Variants in HTR2C observed in about 807,000 individuals in gnomAD.
HTR2C encodes the protein 5-hydroxytryptamine (serotonin) receptor 2C, G protein-coupled.
HTR2C carries 5 observed loss-of-function variants against 21.0 expected under a neutral mutation model. The observed-to-expected ratio is 0.24, with a 90% CI of 0.12 to 0.50. The LOEUF (loss-of-function observed/expected upper bound fraction) is 0.50. Ranked by LOEUF, HTR2C falls within the 20% of genes least tolerant of loss-of-function variation. HTR2C has a pLI of 0.98. For synonymous variants in HTR2C, 150 were observed against 145.3 expected, an observed-to-expected ratio of 1.03 and a Z score of -0.23; for missense variants, 271 against 371.2, an observed-to-expected ratio of 0.73 and a Z score of 2.22.
At chrX:114,686,839 C>T (rs1316506437) in intron 2 of HTR2C, among the ~76,000 whole-genome samples, 1 of 110,837 alleles carries the variant, frequency 9.0e-6, no homozygotes, top group Non-Finnish European at 1.9e-5. Context: ...AATTTTATAA[C>T]GTTTCAGATA....
chrX:114,837,339 T>C (rs2070795970), intron 4 of HTR2C, among the ~76,000 whole-genome samples: 1 of 112,105 alleles, frequency 8.9e-6, no homozygotes, highest in African/African-American at 3.2e-5. Flanking sequence ...AAGAATATAG[T>C]ATGATATAAT....
chrX:114,735,166 A>T (rs1344549056), intron 4 of HTR2C, among the ~76,000 whole-genome samples: 1 of 109,980 alleles, frequency 9.1e-6, no homozygotes, highest in African/African-American at 3.3e-5. Context: ...AATACAAAAA[A>T]ATTATCTGGG....
chrX:114,836,055 C>T (rs1478453802), intron 4 of HTR2C, among the ~76,000 whole-genome samples: 6 of 108,562 alleles, frequency 5.5e-5, no homozygotes, highest in African/African-American at 1.3e-4. Context: ...AGGAGGCAGT[C>T]TGCCCGTTCT....
intron 5 of HTR2C, among the ~76,000 whole-genome samples, chrX:114,878,895 C>A (rs1209255154): frequency 9.1e-6 from 1 of 110,176 alleles, no homozygotes; most frequent in Non-Finnish European, 1.9e-5. Context: ...AATTGTTTTG[C>A]ATCCCAGCAT....
intron 2 of HTR2C, among the ~76,000 whole-genome samples, chrX:114,702,822 C>G (rs1301410164): frequency 3.2e-4 from 34 of 106,478 alleles, no homozygotes; most frequent in African/African-American, 1.2e-3. Flanking sequence ...ACCCATCTCA[C>G]GTGCAGAGAC....
At chrX:114,754,266 CA>C (rs1446838319) in intron 4 of HTR2C, among the ~76,000 whole-genome samples, 1 of 111,190 alleles carries the variant, frequency 9.0e-6, no homozygotes, top group African/African-American at 3.3e-5. Flanking sequence ...ACCAAAACTC[CA>C]AAAAGGATTT....
intron 4 of HTR2C, among the ~76,000 whole-genome samples, chrX:114,805,086 G>A (rs150128265): frequency 8.0e-5 from 9 of 111,917 alleles, no homozygotes; most frequent in Admixed American, 5.7e-4. Context: ...GAAAGAAGCA[G>A]AACAGAAACT....
intron 2 of HTR2C, among the ~76,000 whole-genome samples, chrX:114,716,851 T>G (rs1211000007): frequency 1.8e-5 from 2 of 111,248 alleles, no homozygotes; most frequent in Non-Finnish European, 3.8e-5. Flanking sequence ...AATATAATCT[T>G]CCCAGGACTA....
At chrX:114,692,609 C>T (rs1932140442) in intron 2 of HTR2C, among the ~76,000 whole-genome samples, 2 of 110,120 alleles carry the variant, frequency 1.8e-5, no homozygotes, top group African/African-American at 6.6e-5. Flanking sequence ...AGATCTATTA[C>T]TGTATGGGGT....
chrX:114,684,273 A>G (rs781947054), intron 2 of HTR2C, among the ~76,000 whole-genome samples: 3 of 111,860 alleles, frequency 2.7e-5, no homozygotes, highest in Non-Finnish European at 5.6e-5. Flanking sequence ...TAAAATGGTT[A>G]GCTGACCGAG....
At chrX:114,819,384 A>T (rs1343622904) in intron 4 of HTR2C, among the ~76,000 whole-genome samples, 2 of 112,226 alleles carry the variant, frequency 1.8e-5, no homozygotes, top group African/African-American at 3.2e-5. Context: ...ATAAAGGGTT[A>T]CAGCATTTGG....
chrX:114,750,264 TCTAA>T (rs1227893604), intron 4 of HTR2C, among the ~76,000 whole-genome samples: 1 of 112,171 alleles, frequency 8.9e-6, no homozygotes, highest in African/African-American at 3.2e-5. Flanking sequence ...ACACTGAACC[TCTAA>T]CTGTCATTGT....
intron 4 of HTR2C, among the ~76,000 whole-genome samples, chrX:114,761,997 TACACA>T (rs2147379369): frequency 0.092 from 612 of 6,664 alleles, 222 homozygotes; most frequent in East Asian, 0.78. Context: ...ATACTATATA[TACACA>T]TATATATAGT....
chrX:114,878,663 A>G (rs2071157507), intron 5 of HTR2C, among the ~76,000 whole-genome samples: 1 of 111,260 alleles, frequency 9.0e-6, no homozygotes, highest in Admixed American at 9.6e-5. Flanking sequence ...TCTCATTTAA[A>G]TACTTTTTGT....
intron 2 of HTR2C, among the ~76,000 whole-genome samples, chrX:114,690,738 T>C (rs1243561343): frequency 9.0e-6 from 1 of 111,564 alleles, no homozygotes; most frequent in Non-Finnish European, 1.9e-5. Context: ...GTTATAAAAA[T>C]AGAACTCAAT....
intron 4 of HTR2C, among the ~76,000 whole-genome samples, chrX:114,761,617 A>C (rs1156691064): frequency 1.8e-5 from 2 of 110,825 alleles, no homozygotes; most frequent in Non-Finnish European, 3.8e-5. Flanking sequence ...AATGTGTATT[A>C]TCTATTTTTT....
chrX:114,847,853 C>T (rs1340023785), intron 4 of HTR2C, 150 bp from the exon 5 acceptor site: 7 of 425,652 alleles, frequency 1.6e-5, no homozygotes, highest in African/African-American at 1.5e-4. Context: ...TCATGATCAC[C>T]ATCATCATCC....
At chrX:114,603,947 G>A (rs112184375) in intron 1 of HTR2C, among the ~76,000 whole-genome samples, 4 of 103,068 alleles carry the variant, frequency 3.9e-5, no homozygotes, top group South Asian at 4.7e-4. Context: ...TAAAATGGGG[G>A]AATTGTAAGG....
At chrX:114,611,127 A>G (rs1025145381) in intron 1 of HTR2C, among the ~76,000 whole-genome samples, 1 of 111,940 alleles carries the variant, frequency 8.9e-6, no homozygotes, top group Non-Finnish European at 1.9e-5. Context: ...GGGAAAAAAA[A>G]CGCAAAAATA....
Sources: gnomAD v4.1 joint callset for allele counts (sites outside exome capture counted in the v4.1 genomes callset) on GRCh38, gnomAD v4.1.1 for gene constraint, MANE v1.5 for transcripts, NCBI Gene and HGNC (gene_info 2026-07-23, HGNC 2026-07-21) for gene names.